The following SEC16A variants were observed in gnomAD, a reference collection of about 807,000 sequenced individuals.
The protein encoded by SEC16A is protein transport protein Sec16A.
Under a neutral mutation model 221.9 loss-of-function variants are expected in SEC16A, and 110 were observed. The ratio of observed to expected loss-of-function variants is 0.50; its 90% CI spans 0.42 to 0.58. The LOEUF (loss-of-function observed/expected upper bound fraction) is 0.58. Ranked by LOEUF, SEC16A falls within the 20% of genes least tolerant of loss-of-function variation. The pLI, the probability that SEC16A is intolerant of heterozygous loss-of-function variation, is 0.00. For missense variants in SEC16A, 3,165 were observed against 3,097.8 expected (o/e 1.02, Z -0.52); for synonymous variants, 1,393 against 1,257.7 (o/e 1.11, Z -2.28).
At position 136,455,629 on chromosome 9, in the gene SEC16A, C is replaced by T. The variant is rs768107241; in HGVS notation, c.5829G>A (p.Ser1943=). The change falls in exon 20 of 32, where the codon TCG becomes TCA. Residue 1943 remains serine, a synonymous_variant. Coordinates refer to ENST00000684901, the MANE Select transcript of SEC16A (RefSeq NM_014866.2). ...AGGGCAGCAGCCGCACGCTCGGGCT[C>T]GAGTGCTCAGGGCTCGGTGCAGGCA... ...LAVPAPSPEH[S]SPSVRLLPSA... 1.0e-5 allele frequency: 16 copies of T among 1,582,722 alleles called. No individual in the cohort carries two copies. In the South Asian group the frequency reaches 1.0e-4, roughly 10 times the overall value.
Position 136,477,453 on chromosome 9 carries a change from A to G in SEC16A, c.163T>C (p.Phe55Leu). 1 of 1,614,032 alleles carries G rather than the reference A, an allele frequency of 6.2e-7. No homozygotes were observed. The highest frequency in any genetic ancestry group is 8.5e-7 in the Non-Finnish European group (1 of 1,179,894). ...TCPLQPVTDP[F>L]AFSRQALQST... is the part of the protein sequence containing the mutation. ...TGGAGCGCCTGTCTACTAAAAGCAA[A>G]TGGATCCGTGACCGGCTGCAACGGG... is the stretch of plus-strand genomic sequence containing the variant. The change falls in exon 3 of 32, where the codon TTT becomes CTT. Residue 55 changes from phenylalanine to leucine, a missense_variant. Physicochemically the swap from Phe to Leu is conservative, Grantham distance 22. Around this residue, in one of 3 missense-constraint regions of SEC16A, gnomAD observed 2,030 missense variants for 1,923.1 expected, o/e 1.06. Coordinates refer to ENST00000684901, the MANE Select transcript of SEC16A (RefSeq NM_014866.2).
intron 13 of SEC16A, among the ~76,000 whole-genome samples, chr9:136,460,898 G>A (rs1023885737): frequency 2.0e-5 from 3 of 152,184 alleles, no homozygotes; most frequent in African/African-American, 7.2e-5. Flanking sequence ...GGGCAACAGA[G>A]CAAAACTCAA....
Position 136,451,375 on chromosome 9 carries a change from G to A in SEC16A, c.6193C>T (p.Pro2065Ser), listed in dbSNP as rs371968605. 9.7e-5 allele frequency: 156 copies of A among 1,612,138 alleles called. 1 individual carries two copies. Among genetic ancestry groups the A allele is most frequent in the South Asian group, 2.6e-4 (24 of 90,948 alleles). ...PSRTVPDSEA[P>S]PGWDRADSGP... ...GAGTCGGCACGATCCCACCCTGGGGGGGCCTCCGAGTCTGGCACCGTCCTC... is the reference window on the plus strand; with the variant it reads ...GAGTCGGCACGATCCCACCCTGGGGAGGCCTCCGAGTCTGGCACCGTCCTC... Residue 2065 changes from proline (P) to serine (S), a missense_variant, in exon 23 of 32, where the codon CCC (proline) becomes TCC (serine). This residue lies in a region of SEC16A where 1,088 missense variants were observed against 1,089.6 expected (regional missense o/e 1.00). Coordinates refer to ENST00000684901, the MANE Select transcript of SEC16A (RefSeq NM_014866.2).
chr9:136,474,710 G>A lies in SEC16A; in HGVS notation c.2906C>T (p.Pro969Leu), dbSNP rs760929453. Residue 969 changes from proline to leucine, a missense_variant, in exon 3 of 32, where the codon CCT becomes CTT. This residue lies in a region of SEC16A where 2,030 missense variants were observed against 1,923.1 expected (regional missense o/e 1.06). Transcript: ENST00000684901. ...ATCAGGCACCAGGGTGCCGTGTGCA[G>A]GTGGAACTAACACCACACTTGTGCT... ...AGSTSVVLVP[P>L]AHGTLVPDGN... The A allele has an allele frequency of 1.9e-6, 3 of 1,613,754 alleles. No individual in the cohort carries two copies. The highest frequency in any genetic ancestry group is 2.2e-5 in the South Asian group (2 of 91,090).
At chr9:136,483,937 C>G (rs1475212310), upstream of SEC16A, 2 of 305,864 alleles carry the variant, frequency 6.5e-6, no homozygotes, top group Non-Finnish European at 4.8e-6. Flanking sequence ...CCGCCAGTCC[C>G]TGGCCAGCGT....
At chr9:136,467,181 C>T (rs1402469869) in intron 5 of SEC16A, 98 bp from the exon 6 acceptor site, 5 of 1,401,752 alleles carry the variant, frequency 3.6e-6, no homozygotes, top group Non-Finnish European at 4.9e-6. Flanking sequence ...ACTTTATGCT[C>T]CAAGGACTCC....
chr9:136,455,749 C>G lies in SEC16A; in HGVS notation c.5709G>C (p.Gln1903His), dbSNP rs764977103. 1.2e-5 allele frequency: 20 copies of G among 1,600,180 alleles called. No homozygotes were observed. The highest frequency in any genetic ancestry group is 1.6e-5 in the Non-Finnish European group (19 of 1,173,810). Reference protein sequence around the residue: ...VWHQDGALPQQCPGTPSSEME... With the variant: ...VWHQDGALPQHCPGTPSSEME... ...TCTCGGAACTCGGAGTGCCAGGACA[C>G]TGCTGCGGGAGGGCTCCATCCTGAT... Residue 1903 changes from glutamine (Q) to histidine (H), a missense_variant, in exon 20 of 32, where the codon CAG becomes CAC. Transcript: ENST00000684901.
At chr9:136,446,457 T>G (rs1837003926) in intron 28 of SEC16A, among the ~76,000 whole-genome samples, 4 of 152,054 alleles carry the variant, frequency 2.6e-5, no homozygotes, top group Admixed American at 2.0e-4. Context: ...TTTTGTTTTT[T>G]TTTTTTGGAT....
At position 136,441,674 on chromosome 9, in the gene SEC16A, G is replaced by A. The variant is rs541098675; in HGVS notation, c.*81C>T. The A allele has an allele frequency of 2.1e-3, 2,692 of 1,272,420 alleles. 4 individuals carry two copies. The highest frequency in any genetic ancestry group is 2.7e-3 in the Non-Finnish European group (2,395 of 876,496). 78.8% of individuals were successfully genotyped at this position (1,272,420 alleles called of 1,614,324 possible). On this transcript the variant is annotated 3_prime_UTR_variant, in exon 32 of 32. Transcript: ENST00000684901. ...TGCTGTGTCTCCCTGGGGGCGGGAC[G>A]GAGATCGCGGAGGTCGGTCGGGTTC...
At chr9:136,454,948 T>C (rs1588909543) in intron 20 of SEC16A, among the ~76,000 whole-genome samples, 2 of 150,474 alleles carry the variant, frequency 1.3e-5, no homozygotes, top group African/African-American at 4.9e-5. Context: ...AGCGTGGGAG[T>C]GGACATGGCA....
At position 136,447,513 on chromosome 9, in the gene SEC16A, C is replaced by G; in HGVS notation, c.6559+56G>C. On this transcript the variant is annotated intron_variant, in intron 26 of 31. Coordinates refer to ENST00000684901, the MANE Select transcript of SEC16A (RefSeq NM_014866.2). This position sits in a 1 kb window ranked among gnomAD's most constrained non-coding sequence, Gnocchi z 5.5. ...ACGCACAACAGCTACACATTGGCCT[C>G]TCTCTCTGGGACAGTTAATCGTTCA... 3 of 1,552,368 alleles carry G rather than the reference C, an allele frequency of 1.9e-6. No homozygotes were observed.
chr9:136,477,349 G>A lies in SEC16A; in HGVS notation c.267C>T (p.His89=). The change falls in exon 3 of 32, where the codon CAC becomes CAT. Residue 89 remains histidine, a synonymous_variant. Coordinates refer to ENST00000684901, the MANE Select transcript of SEC16A (RefSeq NM_014866.2). ...GTGTGTGAGGAACAAGCAAACCGGGGTGCTGAGAAAACCCTGCGGGGGCTG... is the reference window on the plus strand; with the variant it reads ...GTGTGTGAGGAACAAGCAAACCGGGATGCTGAGAAAACCCTGCGGGGGCTG... ...QGPAPAGFSQ[H]PGLLVPHTHA... is the part of the protein sequence containing the mutation. The A allele has an allele frequency of 1.2e-6, 2 of 1,614,020 alleles. No individual in the cohort carries two copies. Among genetic ancestry groups the A allele is most frequent in the Non-Finnish European group, 1.7e-6 (2 of 1,179,898 alleles).
intron 23 of SEC16A, among the ~76,000 whole-genome samples, chr9:136,450,762 T>C (rs1283133712): frequency 3.9e-5 from 6 of 152,198 alleles, no homozygotes; most frequent in Admixed American, 3.9e-4. Flanking sequence ...CAGTGTCTCC[T>C]AAAGCTGAAC....
intron 13 of SEC16A, 109 bp from the exon 14 acceptor site, chr9:136,460,232 G>C: frequency 1.3e-6 from 1 of 795,036 alleles, no homozygotes; most frequent in South Asian, 1.6e-5. Flanking sequence ...GGAGGCCAAA[G>C]TGGGCGGATC....
intron 5 of SEC16A, 79 bp from the exon 6 acceptor site, chr9:136,467,162 C>G (rs558854079): frequency 3.3e-6 from 5 of 1,532,314 alleles, no homozygotes; most frequent in Admixed American, 1.8e-5. Context: ...GAAGCGACAC[C>G]ACCCCAGGAC....
At chr9:136,461,009 C>G (rs1238144132) in intron 13 of SEC16A, among the ~76,000 whole-genome samples, 168 bp downstream of exon 13, 3 of 152,242 alleles carry the variant, frequency 2.0e-5, no homozygotes, top group Non-Finnish European at 4.4e-5. Flanking sequence ...TTTAAGCTCT[C>G]CACAACACGA....
In SEC16A at chr9:136,459,411, A is replaced by T. The variant is rs60530815; in HGVS notation, c.5303+33T>A. The T allele has an allele frequency of 1.9e-3, 2,830 of 1,522,694 alleles. 39 individuals are homozygous for T. In the African/African-American group the frequency reaches 0.034, roughly 19 times the overall value. 94.3% of individuals were successfully genotyped at this position (1,522,694 alleles called of 1,614,324 possible). On this transcript the variant is annotated intron_variant, in intron 16 of 31. Transcript: ENST00000684901. This position sits in a 1 kb window ranked among gnomAD's most constrained non-coding sequence, Gnocchi z 6.1. Reference sequence around the variant, plus strand: ...GGATTTTGTTTTACTTTGAAAGGAAAACTTACAGGACTACACTGACTTGGT... The same window carrying T: ...GGATTTTGTTTTACTTTGAAAGGAATACTTACAGGACTACACTGACTTGGT...
Position 136,481,129 on chromosome 9 carries a change from C to CTTTT in SEC16A, c.-192+1805_-192+1808dup, listed in dbSNP as rs1000992506. Among the ~76,000 whole-genome samples, 639 of 87,970 alleles carry CTTTT rather than the reference C, an allele frequency of 7.3e-3. 12 individuals carry two copies. Among genetic ancestry groups the CTTTT allele is most frequent in the Non-Finnish European group, 9.1e-3 (430 of 47,062 alleles). 57.7% of individuals were successfully genotyped at this position (87,970 alleles called of 152,430 possible). ...TGTCACCACTACAGGGAATTTTATT[C>CTTTT]TTTTTTTTTTTTTTTTTTTTTTTGA... On this transcript the variant is annotated intron_variant, in intron 1 of 31. Transcript: ENST00000684901.
In SEC16A at chr9:136,455,787, C is replaced by T. The variant is rs748400067; in HGVS notation, c.5671G>A (p.Ala1891Thr). 2.9e-5 allele frequency: 46 copies of T among 1,596,600 alleles called. No individual in the cohort carries two copies. The highest frequency in any genetic ancestry group is 3.7e-5 in the Non-Finnish European group (43 of 1,171,918). The change falls in exon 20 of 32, where the codon GCT (alanine) becomes ACT (threonine). Residue 1891 changes from alanine to threonine, a missense_variant. Physicochemically the swap from Ala to Thr is moderately conservative, Grantham distance 58. Around this residue, in one of 3 missense-constraint regions of SEC16A, gnomAD observed 1,088 missense variants for 1,089.6 expected, o/e 1.00. Transcript: ENST00000684901. The part of the protein sequence containing the change: ...QQVERQIKEG[A>T]GVWHQDGALP... ...GCTCCATCCTGATGCCATACTCCAGCCCCCTCCTGAGGGAGAACAAGACCT... is the reference window on the plus strand; with the variant it reads ...GCTCCATCCTGATGCCATACTCCAGTCCCCTCCTGAGGGAGAACAAGACCT...
Sources: gnomAD v4.1 joint callset for allele counts (sites outside exome capture counted in the v4.1 genomes callset) on GRCh38, gnomAD v4.1.1 for gene constraint, gnomAD v4.1.1 regional missense constraint, Gnocchi (gnomAD v3.1) non-coding constraint, MANE v1.5 for transcripts, NCBI Gene and HGNC (gene_info 2026-07-23, HGNC 2026-07-21) for gene names.